The following GAB2 variants were observed in gnomAD, a reference collection of about 807,000 sequenced individuals.
GAB2 encodes the protein GRB2 associated binding protein 2.
GAB2 carries 26 observed loss-of-function variants against 65.5 expected under a neutral mutation model. The observed-to-expected ratio is 0.40, with a 90% CI of 0.29 to 0.55. GAB2 has a LOEUF of 0.55. Ranked by LOEUF, GAB2 falls within the 20% of genes least tolerant of loss-of-function variation. The pLI is 0.53. For missense variants in GAB2, 884 were observed against 875.8 expected, an observed-to-expected ratio of 1.01 and a Z score of -0.12; for synonymous variants, 321 against 329.6, an observed-to-expected ratio of 0.97 and a Z score of 0.28.
chr11:78,394,823 C>G (rs1324830762), intron 1 of GAB2, among the ~76,000 whole-genome samples: 2 of 152,154 alleles, frequency 1.3e-5, no homozygotes, highest in Non-Finnish European at 2.9e-5. Flanking sequence ...TGAGGATGTC[C>G]TGAAAGAGAC....
Position 78,215,836 on chromosome 11 carries a change from A to AGAT in GAB2, c.*3433_*3435dup, listed in dbSNP as rs772952899. 3.9e-5 allele frequency: 6 copies of AGAT among 152,692 alleles called. No homozygotes were observed. The highest frequency in any genetic ancestry group is 1.2e-4 in the African/African-American group (5 of 41,444). 9.5% of individuals were successfully genotyped at this position (152,692 alleles called of 1,614,324 possible). Reference sequence around the variant, plus strand: ...CTTCCCCTGCATTTTATGAAGGCCCAGATGGGGAAGGAAGAACTCTGGAAA... The same window carrying AGAT: ...CTTCCCCTGCATTTTATGAAGGCCCAGATGATGGGGAAGGAAGAACTCTGGAAA... On this transcript the variant is annotated 3_prime_UTR_variant, in exon 10 of 10. Coordinates refer to ENST00000361507, the MANE Select transcript of GAB2 (RefSeq NM_080491.3).
At position 78,396,877 on chromosome 11, in the gene GAB2, G is replaced by T. The variant is rs1311202131; in HGVS notation, c.75+20769C>A. ...CTCCCAAAGTGCTGAGATCACAGGC[G>T]TGAGCCACTGCACCCGGCCAGGGAA... is the stretch of plus-strand genomic sequence containing the variant. On this transcript the variant is annotated intron_variant, in intron 1 of 9. Transcript: ENST00000361507. Among the ~76,000 whole-genome samples, 5 of 152,280 alleles carry T rather than the reference G, an allele frequency of 3.3e-5. No individual in the cohort carries two copies. In the East Asian group the frequency reaches 9.6e-4, roughly 29 times the overall value.
chr11:78,264,475 G>A (rs1047571970), intron 2 of GAB2, among the ~76,000 whole-genome samples: 17 of 151,448 alleles, frequency 1.1e-4, no homozygotes, highest in East Asian at 3.9e-4. Context: ...ATCTCAGCTC[G>A]CTGCAGCCTC....
At chr11:78,350,605 T>C (rs761105463) in intron 1 of GAB2, among the ~76,000 whole-genome samples, 139 of 152,204 alleles carry the variant, frequency 9.1e-4, no homozygotes, top group Non-Finnish European at 9.1e-4. Flanking sequence ...TTCTAAAAAG[T>C]ATATACAAGG....
chr11:78,349,659 C>CA (rs1204320524), intron 1 of GAB2, among the ~76,000 whole-genome samples: 3 of 152,162 alleles, frequency 2.0e-5, no homozygotes, highest in Admixed American at 2.0e-4. Context: ...GAAATCCTCT[C>CA]AAGTCAGGGA....
chr11:78,348,973 A>G (rs1405940124), intron 1 of GAB2, among the ~76,000 whole-genome samples: 1 of 152,228 alleles, frequency 6.6e-6, no homozygotes, highest in Non-Finnish European at 1.5e-5. Context: ...TAAAATGCAA[A>G]CTAATTTAGA....
At chr11:78,239,361 C>T (rs1391047393) in intron 3 of GAB2, among the ~76,000 whole-genome samples, 1 of 152,126 alleles carries the variant, frequency 6.6e-6, no homozygotes, top group African/African-American at 2.4e-5. Context: ...GCTGGGATTA[C>T]AGGCGCATGT....
Position 78,270,814 on chromosome 11 carries a change from A to G in GAB2, c.376+9787T>C, listed in dbSNP as rs1046253478. Among the ~76,000 whole-genome samples the G allele has an allele frequency of 3.9e-5, 6 of 152,264 alleles. No individual in the cohort carries two copies. In the East Asian group the frequency reaches 1.2e-3, roughly 29 times the overall value. On this transcript the variant is annotated intron_variant, in intron 2 of 9. Transcript: ENST00000361507. ...TGCTGTTCACAATGTGTACCTGTACATTCTCCAAGCTTTACCTGTGCAACC... is the reference window on the plus strand; with the variant it reads ...TGCTGTTCACAATGTGTACCTGTACGTTCTCCAAGCTTTACCTGTGCAACC...
At chr11:78,342,428 G>C (rs1471012430) in intron 1 of GAB2, among the ~76,000 whole-genome samples, 1 of 21,912 alleles carries the variant, frequency 4.6e-5, no homozygotes, top group Admixed American at 5.2e-4. Flanking sequence ...TTTTTTTTTT[G>C]AGACGGAGTC....
At chr11:78,284,599 C>G (rs929638116) in intron 1 of GAB2, among the ~76,000 whole-genome samples, 7 of 152,324 alleles carry the variant, frequency 4.6e-5, no homozygotes, top group African/African-American at 7.2e-5. Context: ...CACTCCTCCC[C>G]CAGATATTTC....
intron 1 of GAB2, among the ~76,000 whole-genome samples, chr11:78,327,943 A>G (rs1855852452): frequency 1.3e-5 from 2 of 152,256 alleles, no homozygotes; most frequent in Admixed American, 6.5e-5. Context: ...TATTGTCATT[A>G]TAATAATAAG....
intron 1 of GAB2, among the ~76,000 whole-genome samples, chr11:78,291,006 T>A (rs1046035929): frequency 6.6e-6 from 1 of 152,160 alleles, no homozygotes; most frequent in Non-Finnish European, 1.5e-5. Context: ...TATAGTGGCA[T>A]GACAGCAACC....
chr11:78,297,531 C>T (rs1212388058), intron 1 of GAB2, among the ~76,000 whole-genome samples: 1 of 152,012 alleles, frequency 6.6e-6, no homozygotes, highest in African/African-American at 2.4e-5. Flanking sequence ...ATGGGAACTA[C>T]TGTCGTGCAC....
Position 78,216,311 on chromosome 11 carries a change from G to C in GAB2, c.*2961C>G, listed in dbSNP as rs756554948. ...GGCCTGTGTGAAGCAGTGCTGAGTG[G>C]GAAGGTATCCCCTTTCCGTAGGCTC... On this transcript the variant is annotated 3_prime_UTR_variant, in exon 10 of 10. Transcript: ENST00000361507. The C allele has an allele frequency of 8.5e-5, 13 of 152,172 alleles. No individual in the cohort carries two copies. The highest frequency in any genetic ancestry group is 1.2e-4 in the African/African-American group (5 of 41,428). 9.4% of individuals were successfully genotyped at this position (152,172 alleles called of 1,614,324 possible).
In GAB2 at chr11:78,229,857, C is replaced by A. The variant is rs183905289; in HGVS notation, c.621-2806G>T. 5.3e-5 allele frequency among the ~76,000 whole-genome samples: 8 copies of A among 152,340 alleles called. No individual in the cohort carries two copies. In the East Asian group the frequency reaches 1.5e-3, roughly 29 times the overall value. On this transcript the variant is annotated intron_variant, in intron 3 of 9. Transcript: ENST00000361507. ...TGTCTGGAAGGCTTCTTACCTCAAT[C>A]TGGCAAGTTCCTACTCCATTTATCC...
chr11:78,294,705 G>C (rs1866777369), intron 1 of GAB2, among the ~76,000 whole-genome samples: 1 of 152,156 alleles, frequency 6.6e-6, no homozygotes, highest in Admixed American at 6.5e-5. Flanking sequence ...GCTGAAACTG[G>C]ATCCCTTCCT....
intron 1 of GAB2, among the ~76,000 whole-genome samples, chr11:78,363,583 TTTC>T (rs1856461180): frequency 6.6e-6 from 1 of 150,476 alleles, no homozygotes; most frequent in African/African-American, 2.5e-5. Context: ...AGAAATATAT[TTTC>T]TTTTTTTTTT....
chr11:78,264,685 G>A (rs965082498), intron 2 of GAB2, among the ~76,000 whole-genome samples: 6 of 152,146 alleles, frequency 3.9e-5, no homozygotes, highest in African/African-American at 1.4e-4. Flanking sequence ...TGGGATTACA[G>A]GCGTGAGCCA....
intron 9 of GAB2, among the ~76,000 whole-genome samples, chr11:78,219,679 C>A (rs1447803902): frequency 6.6e-6 from 1 of 152,186 alleles, no homozygotes. Context: ...GACCCAGGCC[C>A]TTCCTTGGCC....
Sources: gnomAD v4.1 joint callset for allele counts (sites outside exome capture counted in the v4.1 genomes callset) on GRCh38, gnomAD v4.1.1 for gene constraint, MANE v1.5 for transcripts, NCBI Gene and HGNC (gene_info 2026-07-23, HGNC 2026-07-21) for gene names.